The following DLEU7 variants were observed in gnomAD, a reference collection of about 807,000 sequenced individuals.
The protein encoded by DLEU7 is leukemia-associated protein 7.
DLEU7 carries 17 observed loss-of-function variants against 16.0 expected under a neutral mutation model. The observed-to-expected ratio is 1.06, with a 90% CI of 0.73 to 1.59. The LOEUF (loss-of-function observed/expected upper bound fraction) is 1.59. DLEU7 is among the 40% of genes most tolerant of loss of function. The pLI, the probability that DLEU7 is intolerant of heterozygous loss-of-function variation, is 0.00. For synonymous variants in DLEU7, 113 were observed against 139.8 expected (o/e 0.81, Z 1.35); for missense variants, 308 against 314.9 (o/e 0.98, Z 0.17).
intron 1 of DLEU7, among the ~76,000 whole-genome samples, chr13:50,824,358 G>T (rs1458028416): frequency 2.0e-5 from 3 of 152,080 alleles, no homozygotes; most frequent in Non-Finnish European, 4.4e-5. Context: ...TTCAGTATAG[G>T]GAAATGACAT....
Position 50,799,942 on chromosome 13 carries a change from G to C in DLEU7, c.459+43246C>G, listed in dbSNP as rs551404242. ...AACTACTGGATGTCCACATATATGTGTGTAGACACTATCAAACTGTACACA... is the reference window on the plus strand; with the variant it reads ...AACTACTGGATGTCCACATATATGTCTGTAGACACTATCAAACTGTACACA... On this transcript the variant is annotated intron_variant, in intron 1 of 1. Transcript: ENST00000400393. 2.6e-5 allele frequency among the ~76,000 whole-genome samples: 4 copies of C among 152,332 alleles called. No homozygotes were observed. The South Asian group carries it at 6.2e-4, about 24-fold the overall frequency.
intron 1 of DLEU7, among the ~76,000 whole-genome samples, chr13:50,747,152 A>G (rs1051247683): frequency 2.0e-5 from 3 of 152,146 alleles, no homozygotes; most frequent in Non-Finnish European, 2.9e-5. Flanking sequence ...GCAATCATAG[A>G]CGATTAAATC....
chr13:50,825,826 C>G (rs922326690), intron 1 of DLEU7, among the ~76,000 whole-genome samples: 1 of 152,154 alleles, frequency 6.6e-6, no homozygotes, highest in Admixed American at 6.5e-5. Flanking sequence ...AACAGGAACA[C>G]CTAGTGCTTT....
At chr13:50,834,684 A>G (rs146122294) in intron 1 of DLEU7, among the ~76,000 whole-genome samples, 1,804 of 152,258 alleles carry the variant, frequency 0.012, 40 homozygotes, top group African/African-American at 0.041. Context: ...CAGCAATCCC[A>G]TTACTGGTTA....
chr13:50,767,136 T>C (rs1875138280), intron 1 of DLEU7, among the ~76,000 whole-genome samples: 1 of 152,228 alleles, frequency 6.6e-6, no homozygotes, highest in Non-Finnish European at 1.5e-5. Flanking sequence ...CTGAAATGTT[T>C]ATTTCTAGCC....
chr13:50,719,192 A>C (rs1022393750), intron 1 of DLEU7, among the ~76,000 whole-genome samples: 1 of 152,236 alleles, frequency 6.6e-6, no homozygotes, highest in African/African-American at 2.4e-5. Context: ...GGGCTGGGTT[A>C]TAATCCATTA....
Position 50,843,111 on chromosome 13 carries a change from G to T in DLEU7, c.459+77C>A. ...TTTGGGATCCTGCGATCCACCCATC[G>T]CCATCCCAGCAGCCCCACCCTTGGA... On this transcript the variant is annotated intron_variant, in intron 1 of 1. Transcript: ENST00000504404. This position sits in a 1 kb window ranked among gnomAD's most constrained non-coding sequence, Gnocchi z 5.7. 1 of 1,367,504 alleles carries T rather than the reference G, an allele frequency of 7.3e-7. No homozygotes were observed. Among genetic ancestry groups the T allele is most frequent in the Non-Finnish European group, 9.8e-7 (1 of 1,022,656 alleles). The allele number at this position is 1,367,504 out of a possible 1,614,324, so 84.7% of individuals were successfully genotyped here.
At chr13:50,760,702 T>C (rs1208396243) in intron 1 of DLEU7, among the ~76,000 whole-genome samples, 1 of 152,234 alleles carries the variant, frequency 6.6e-6, no homozygotes, top group Non-Finnish European at 1.5e-5. Flanking sequence ...TGTAAGTATT[T>C]ACTGAAAATT....
At chr13:50,806,700 C>T (rs1345257810) in intron 1 of DLEU7, among the ~76,000 whole-genome samples, 1 of 151,960 alleles carries the variant, frequency 6.6e-6, no homozygotes, top group East Asian at 1.9e-4. Flanking sequence ...ACATATTGGG[C>T]TTATTTTAAA....
chr13:50,790,617 A>G (rs1183713374), intron 1 of DLEU7, among the ~76,000 whole-genome samples: 1 of 152,090 alleles, frequency 6.6e-6, no homozygotes, highest in Non-Finnish European at 1.5e-5. Context: ...GAAAGTTTGG[A>G]ACAGCCAAGC....
At chr13:50,826,881 C>T (rs571857320) in intron 1 of DLEU7, among the ~76,000 whole-genome samples, 1 of 152,220 alleles carries the variant, frequency 6.6e-6, no homozygotes, top group African/African-American at 2.4e-5. Flanking sequence ...AAATAACTGT[C>T]AACCTAGAAT....
At chr13:50,769,123 T>G (rs1218544099) in intron 1 of DLEU7, among the ~76,000 whole-genome samples, 4 of 152,218 alleles carry the variant, frequency 2.6e-5, no homozygotes, top group Non-Finnish European at 5.9e-5. Context: ...CCCATTTTCT[T>G]GATGAGATTG....
intron 1 of DLEU7, among the ~76,000 whole-genome samples, chr13:50,757,963 A>C (rs1874812042): frequency 6.6e-6 from 1 of 150,902 alleles, no homozygotes; most frequent in Non-Finnish European, 1.5e-5. Flanking sequence ...GCATCTAAAT[A>C]TGGTAAGTGT....
chr13:50,719,469 C>T (rs1873532499), intron 1 of DLEU7, among the ~76,000 whole-genome samples: 2 of 152,150 alleles, frequency 1.3e-5, no homozygotes, highest in South Asian at 4.1e-4. Context: ...AACTCTTCCT[C>T]ATAAAAACTC....
chr13:50,824,432 T>A (rs1877017687), intron 1 of DLEU7, among the ~76,000 whole-genome samples: 1 of 152,222 alleles, frequency 6.6e-6, no homozygotes, highest in African/African-American at 2.4e-5. Context: ...TTCTCTTTGC[T>A]ACTGAATTCC....
chr13:50,759,657 T>TAG (rs1874867697), intron 1 of DLEU7, among the ~76,000 whole-genome samples: 1 of 152,182 alleles, frequency 6.6e-6, no homozygotes, highest in Non-Finnish European at 1.5e-5. Context: ...GTCACTCTCT[T>TAG]AGATCCATTC....
chr13:50,843,785 C>T, upstream of DLEU7: 2 of 1,204,430 alleles, frequency 1.7e-6, no homozygotes, highest in Non-Finnish European at 2.2e-6. This position sits in a 1 kb window ranked among gnomAD's most constrained non-coding sequence, Gnocchi z 5.7. Context: ...TGTGGTCGGC[C>T]CCGCCCCCGG....
At chr13:50,818,248 A>G (rs538504627), downstream of DLEU7, among the ~76,000 whole-genome samples, 2 of 152,246 alleles carry the variant, frequency 1.3e-5, no homozygotes, top group South Asian at 4.2e-4. Context: ...AAGGAAAAGC[A>G]CTACATGGGA....
intron 1 of DLEU7, among the ~76,000 whole-genome samples, chr13:50,740,256 A>G (rs1874216324): frequency 6.6e-6 from 1 of 152,202 alleles, no homozygotes; most frequent in African/African-American, 2.4e-5. Flanking sequence ...TCAAACCATA[A>G]TAGTGTAACA....
Sources: allele counts gnomAD v4.1 joint callset (sites outside exome capture counted in the v4.1 genomes callset), GRCh38; gene constraint gnomAD v4.1.1; non-coding constraint Gnocchi (gnomAD v3.1); transcripts MANE v1.5; gene names NCBI Gene and HGNC (gene_info 2026-07-23, HGNC 2026-07-21).